Variants in PRDM1 observed in about 807,000 individuals in gnomAD.
PRDM1 encodes PR domain zinc finger protein 1.
Under a neutral mutation model 62.8 loss-of-function variants are expected in PRDM1, and 13 were observed. That is an observed-to-expected ratio of 0.21 (90% confidence interval 0.13 to 0.33). The LOEUF (loss-of-function observed/expected upper bound fraction) is 0.33, where lower values mean the gene tolerates loss of function less well. Among genes scored for constraint, PRDM1 ranks in the 10% least tolerant of loss-of-function variants. PRDM1 has a pLI of 1.00. For synonymous variants in PRDM1, 396 were observed against 417.6 expected (o/e 0.95, Z 0.63); for missense variants, 895 against 1,058.8 (o/e 0.85, Z 2.15).
At chr6:105,999,580 A>G (rs1270220303) in intron 1 of PRDM1, among the ~76,000 whole-genome samples, 2 of 152,112 alleles carry the variant, frequency 1.3e-5, no homozygotes, top group Non-Finnish European at 2.9e-5. Flanking sequence ...CTCAAGTGTC[A>G]TCGTGATGGG....
chr6:106,003,752 A>G (rs1404830915), intron 1 of PRDM1, among the ~76,000 whole-genome samples: 2 of 152,188 alleles, frequency 1.3e-5, no homozygotes, highest in African/African-American at 4.8e-5. Context: ...TAGGTGGTTT[A>G]TCTGGAATAT....
At chr6:106,045,383 A>T (rs1281818769), upstream of PRDM1, 2 of 152,240 alleles carry the variant, frequency 1.3e-5, no homozygotes, top group African/African-American at 4.8e-5. Context: ...TAGACTGTTT[A>T]AAAAAGCAAA....
intron 1 of PRDM1, among the ~76,000 whole-genome samples, chr6:106,042,295 C>T (rs1773008062): frequency 6.6e-6 from 1 of 150,488 alleles, no homozygotes; most frequent in Non-Finnish European, 1.5e-5. Flanking sequence ...TCGAGGCGGG[C>T]AGATCACCTG....
rs1774533227 is a variant in PRDM1, at chr6:106,107,564, A to G, written c.*78A>G. 7.7e-7 allele frequency: 1 copy of G among 1,296,384 alleles called. No homozygotes were observed. Among genetic ancestry groups the G allele is most frequent in the Non-Finnish European group, 1.1e-6 (1 of 948,326 alleles). 80.3% of individuals were successfully genotyped at this position (1,296,384 alleles called of 1,614,324 possible). On this transcript the variant is annotated 3_prime_UTR_variant, in exon 7 of 7. Transcript: ENST00000369096. ...GGTGCCTGTAGGAAGTGGCTTGTACATAATCCCAGCTCTGCAAAGCTCTCT... is the reference window on the plus strand; with the variant it reads ...GGTGCCTGTAGGAAGTGGCTTGTACGTAATCCCAGCTCTGCAAAGCTCTCT...
At chr6:106,101,350 C>A (rs1485293009) in intron 4 of PRDM1, among the ~76,000 whole-genome samples, 1 of 151,982 alleles carries the variant, frequency 6.6e-6, no homozygotes, top group Admixed American at 6.6e-5. Flanking sequence ...GGTTTAAAGG[C>A]CTGGCGTTTT....
rs893591614 is a variant in PRDM1, at chr6:106,108,418, G to T, written c.*932G>T. 4.4e-6 allele frequency: 1 copy of T among 228,040 alleles called. No individual in the cohort carries two copies. 14.1% of individuals were successfully genotyped at this position (228,040 alleles called of 1,614,324 possible). On this transcript the variant is annotated 3_prime_UTR_variant, in exon 7 of 7. Coordinates refer to ENST00000369096, the MANE Select transcript of PRDM1 (RefSeq NM_001198.4). ...AATGTGAAGAAGAAAAAAATGCCAT[G>T]TTTTAAAACCACTGCGAAAATTTCC...
chr6:106,081,823 G>A (rs369118867), upstream of PRDM1, among the ~76,000 whole-genome samples: 6 of 152,292 alleles, frequency 3.9e-5, no homozygotes, highest in East Asian at 9.6e-4. Context: ...AGGTACAACT[G>A]TAGGGTCCCT....
At chr6:106,052,689 T>C (rs1773197358) in intron 1 of PRDM1, among the ~76,000 whole-genome samples, 1 of 152,016 alleles carries the variant, frequency 6.6e-6, no homozygotes, top group South Asian at 2.1e-4. Context: ...TTCATGGTCA[T>C]GCCGGGCGTG....
chr6:106,079,907 T>C (rs769382522), intron 1 of PRDM1, among the ~76,000 whole-genome samples: 3 of 152,220 alleles, frequency 2.0e-5, no homozygotes, highest in South Asian at 2.1e-4. Flanking sequence ...CTTTAGGCTA[T>C]TGAGCAGGGA....
intron 1 of PRDM1, among the ~76,000 whole-genome samples, chr6:106,024,078 G>A (rs763221610): frequency 1.3e-5 from 2 of 151,988 alleles, no homozygotes; most frequent in African/African-American, 2.4e-5. Flanking sequence ...GGAGGTTGAG[G>A]CTGCAATGAG....
chr6:106,019,664 T>G lies in PRDM1; in HGVS notation c.-67+26025T>G, dbSNP rs1480976031. On this transcript the variant is annotated intron_variant, in intron 1 of 6. Transcript: ENST00000652320. Reference sequence around the variant, plus strand: ...TTTTTTTTTTTTTTTTGAGATGGAGTCTTCCTCGATCTGTCACCCAGGCAG... The same window carrying G: ...TTTTTTTTTTTTTTTTGAGATGGAGGCTTCCTCGATCTGTCACCCAGGCAG... Among the ~76,000 whole-genome samples the G allele has an allele frequency of 5.5e-5, 8 of 145,310 alleles. No individual in the cohort carries two copies. In the East Asian group the frequency reaches 1.2e-3, roughly 22 times the overall value.
chr6:106,014,484 G>A (rs1562144788), intron 1 of PRDM1, among the ~76,000 whole-genome samples: 2 of 151,470 alleles, frequency 1.3e-5, no homozygotes, highest in Non-Finnish European at 2.9e-5. Context: ...AAAGGACTTG[G>A]ATGAATGCAA....
intron 3 of PRDM1, chr6:106,096,053 T>C (rs754903555): frequency 2.2e-5 from 5 of 230,848 alleles, no homozygotes; most frequent in Non-Finnish European, 3.5e-5. Flanking sequence ...CGCAAGGAAG[T>C]AGTAATGAGT....
chr6:106,094,368 A>G lies in PRDM1; in HGVS notation c.292-1247A>G, dbSNP rs116500587. Among the ~76,000 whole-genome samples, 586 of 152,354 alleles carry G rather than the reference A, an allele frequency of 3.8e-3. 2 individuals carry two copies. The highest frequency in any genetic ancestry group is 0.014 in the African/African-American group (566 of 41,578). ...AAACCAAAACAAAACTGTAACTGCA[A>G]ACTGTTGTAAAGGACTACTCACAGA... On this transcript the variant is annotated intron_variant, in intron 2 of 6. Transcript: ENST00000369096.
At chr6:106,038,014 C>CTTTTTTTTTTGTTTTTTTTTTTTT (rs1772945299) in intron 1 of PRDM1, among the ~76,000 whole-genome samples, 2 of 47,794 alleles carry the variant, frequency 4.2e-5, no homozygotes, top group Non-Finnish European at 7.1e-5. Context: ...CTATTTTTGT[C>CTTTTTTTTTTGTTTTTTTTTTTTT]TTTTTTTTTT....
chr6:106,022,122 T>A (rs1562146469), intron 1 of PRDM1, among the ~76,000 whole-genome samples: 1 of 152,254 alleles, frequency 6.6e-6, no homozygotes, highest in Non-Finnish European at 1.5e-5. Context: ...TACACCAACA[T>A]AATGGTACTT....
At chr6:106,006,479 C>T (rs1257574116) in intron 1 of PRDM1, among the ~76,000 whole-genome samples, 1 of 148,730 alleles carries the variant, frequency 6.7e-6, no homozygotes, top group East Asian at 1.9e-4. Context: ...AGATTCTCAA[C>T]ATCATTTAAC....
intron 1 of PRDM1, among the ~76,000 whole-genome samples, chr6:106,013,891 AG>A (rs1344486663): frequency 1.3e-5 from 2 of 151,904 alleles, no homozygotes; most frequent in African/African-American, 4.8e-5. Context: ...CTCTTCACAG[AG>A]GCTTTTCCTG....
At chr6:106,028,018 C>T (rs1006610350) in intron 1 of PRDM1, among the ~76,000 whole-genome samples, 2 of 152,162 alleles carry the variant, frequency 1.3e-5, no homozygotes, top group African/African-American at 2.4e-5. Flanking sequence ...TGTTATGTGC[C>T]TTGGAGAGCT....
Sources: gnomAD v4.1 joint callset for allele counts (sites outside exome capture counted in the v4.1 genomes callset) on GRCh38, gnomAD v4.1.1 for gene constraint, MANE v1.5 for transcripts, NCBI Gene and HGNC (gene_info 2026-07-23, HGNC 2026-07-21) for gene names.